The following NMNAT2 variants were observed in gnomAD, a reference collection of about 807,000 sequenced individuals.
NMNAT2 encodes nicotinamide/nicotinic acid mononucleotide adenylyltransferase 2.
NMNAT2 carries 11 observed loss-of-function variants against 41.6 expected under a neutral mutation model. That is an observed-to-expected ratio of 0.26 (90% CI 0.17 to 0.44). The LOEUF is 0.44. Ranked by LOEUF, NMNAT2 falls within the 20% of genes least tolerant of loss-of-function variation. The pLI, the probability that NMNAT2 is intolerant of heterozygous loss-of-function variation, is 1.00. For missense variants in NMNAT2, 288 were observed against 407.7 expected (o/e 0.71, Z 2.53); for synonymous variants, 148 against 151.2 (o/e 0.98, Z 0.16).
intron 1 of NMNAT2, among the ~76,000 whole-genome samples, chr1:183,329,274 T>C (rs1443828629): frequency 1.3e-5 from 2 of 152,130 alleles, no homozygotes; most frequent in African/African-American, 2.4e-5. Context: ...AAACACTAAA[T>C]TGAAGATAAA....
intron 6 of NMNAT2, 110 bp downstream of exon 6, chr1:183,284,600 C>G: frequency 1.1e-6 from 1 of 916,892 alleles, no homozygotes; most frequent in Non-Finnish European, 1.8e-6. Flanking sequence ...CACACACAAT[C>G]ACGGGAATTT....
chr1:183,307,954 C>A (rs968415834), intron 1 of NMNAT2, among the ~76,000 whole-genome samples: 1 of 152,218 alleles, frequency 6.6e-6, no homozygotes, highest in South Asian at 2.1e-4. Flanking sequence ...GGGCAGATTT[C>A]GACGGACTTT....
chr1:183,322,807 T>G (rs1003830481), intron 1 of NMNAT2, among the ~76,000 whole-genome samples: 10 of 152,234 alleles, frequency 6.6e-5, no homozygotes, highest in South Asian at 4.1e-4. Context: ...ACCATCTGTC[T>G]GCTGACATCT....
chr1:183,382,070 A>G (rs1663812878), intron 1 of NMNAT2, among the ~76,000 whole-genome samples: 1 of 152,258 alleles, frequency 6.6e-6, no homozygotes, highest in Non-Finnish European at 1.5e-5. Flanking sequence ...AAGCAGTTTT[A>G]TTGGCTCACA....
intron 8 of NMNAT2, among the ~76,000 whole-genome samples, chr1:183,268,335 T>C (rs1008289383): frequency 6.6e-6 from 1 of 152,180 alleles, no homozygotes; most frequent in African/African-American, 2.4e-5. Context: ...GCCAGGCACT[T>C]TCCTAGACAC....
intron 1 of NMNAT2, among the ~76,000 whole-genome samples, chr1:183,295,285 A>T (rs1661659778): frequency 1.3e-5 from 2 of 152,164 alleles, no homozygotes; most frequent in South Asian, 4.2e-4. Flanking sequence ...TACAGGCATG[A>T]GCCACGGCAC....
chr1:183,296,357 T>C (rs1279773208), intron 1 of NMNAT2, among the ~76,000 whole-genome samples: 1 of 152,230 alleles, frequency 6.6e-6, no homozygotes, highest in Non-Finnish European at 1.5e-5. Context: ...GGTAAGATTA[T>C]GTTTAGCTTT....
Position 183,290,179 on chromosome 1 carries a change from G to T in NMNAT2, c.270C>A (p.Asp90Glu), listed in dbSNP as rs1336389282. 6 of 1,587,090 alleles carry T rather than the reference G, an allele frequency of 3.8e-6. No individual in the cohort carries two copies. In the Admixed American group the frequency reaches 8.8e-5, roughly 23 times the overall value. ...IRVDPWECYQ[D>E]TWQTTCSVLE... is the part of the protein sequence containing the mutation. ...ACACGCTGCAGGTCGTCTGCCAGGT[G>T]TCCTGGTAGCACTCCCAAGGGTCCA... The change falls in exon 4 of 11, where the codon GAC becomes GAA. Residue 90 changes from aspartate (D) to glutamate (E), a missense_variant. Asp to Glu is a conservative substitution (Grantham distance 45, BLOSUM62 2). Around this residue, in one of 3 missense-constraint regions of NMNAT2, gnomAD observed 100 missense variants for 168.5 expected, o/e 0.59. Transcript: ENST00000287713.
intron 6 of NMNAT2, 79 bp from the exon 7 acceptor site, chr1:183,284,118 A>C: frequency 1.7e-6 from 2 of 1,167,042 alleles, no homozygotes; most frequent in Non-Finnish European, 2.5e-6. Flanking sequence ...TGAGGGCCTC[A>C]GCAGGAATTA....
At position 183,250,061 on chromosome 1, in the gene NMNAT2, G is replaced by A. The variant is rs1026314140; in HGVS notation, c.*2580C>T. ...TGGACCAAGAAACAAAAGAAATCGA[G>A]CCTTCCTCAGGTCTGCTCACGTGGG... On this transcript the variant is annotated 3_prime_UTR_variant, in exon 11 of 11. Transcript: ENST00000287713. 6.6e-6 allele frequency: 1 copy of A among 152,144 alleles called. No homozygotes were observed. The highest frequency in any genetic ancestry group is 2.4e-5 in the African/African-American group (1 of 41,386). The allele number at this position is 152,144 out of a possible 1,614,324, so 9.4% of individuals were successfully genotyped here.
intron 8 of NMNAT2, among the ~76,000 whole-genome samples, chr1:183,265,258 CTTTTTTTTTTTT>C (rs67117635): frequency 7.7e-5 from 5 of 64,526 alleles, no homozygotes; most frequent in South Asian, 1.6e-3. Flanking sequence ...TCTTCTTCTT[CTTTTTTTTTTTT>C]TTTTTTTTTT....
Position 183,252,602 on chromosome 1 carries a change from G to C in NMNAT2, c.*39C>G. 7.3e-7 allele frequency: 1 copy of C among 1,360,944 alleles called. No homozygotes were observed. The highest frequency in any genetic ancestry group is 1.1e-6 in the Non-Finnish European group (1 of 948,524). The allele number at this position is 1,360,944 out of a possible 1,614,324, so 84.3% of individuals were successfully genotyped here. ...AGGAGAGAAACAGGGGGCTGACAAAGATGGAGGGGCCATTGTGTTGCCGGA... is the reference window on the plus strand; with the variant it reads ...AGGAGAGAAACAGGGGGCTGACAAACATGGAGGGGCCATTGTGTTGCCGGA... On this transcript the variant is annotated 3_prime_UTR_variant, in exon 11 of 11. Transcript: ENST00000287713.
intron 1 of NMNAT2, among the ~76,000 whole-genome samples, chr1:183,352,607 C>T (rs1299278084): frequency 6.8e-6 from 1 of 146,776 alleles, no homozygotes; most frequent in Non-Finnish European, 1.5e-5. Context: ...AGTGAGAATT[C>T]TGGTCACTGA....
intron 1 of NMNAT2, among the ~76,000 whole-genome samples, chr1:183,340,862 C>A (rs1662783139): frequency 6.6e-6 from 1 of 152,232 alleles, no homozygotes; most frequent in Non-Finnish European, 1.5e-5. Context: ...CCCCACCTAA[C>A]AACCTGGATT....
At chr1:183,381,203 CCTGTT>C (rs1431587970) in intron 1 of NMNAT2, among the ~76,000 whole-genome samples, 9 of 152,130 alleles carry the variant, frequency 5.9e-5, no homozygotes, top group African/African-American at 1.9e-4. Flanking sequence ...CCCCATGACT[CCTGTT>C]CTGGACAGAA....
At chr1:183,296,194 G>A (rs561885783) in intron 1 of NMNAT2, among the ~76,000 whole-genome samples, 2 of 152,238 alleles carry the variant, frequency 1.3e-5, no homozygotes, top group East Asian at 3.9e-4. Context: ...CTATTGTCTG[G>A]AAGTACTTCA....
chr1:183,302,244 A>C (rs1661873437), intron 1 of NMNAT2, among the ~76,000 whole-genome samples: 1 of 152,200 alleles, frequency 6.6e-6, no homozygotes, highest in Non-Finnish European at 1.5e-5. Flanking sequence ...CACAATTCAC[A>C]TCTCCAAGGA....
intron 8 of NMNAT2, among the ~76,000 whole-genome samples, chr1:183,269,285 C>T (rs1337784471): frequency 2.0e-5 from 3 of 152,144 alleles, no homozygotes; most frequent in South Asian, 4.1e-4. Flanking sequence ...GGACACACTG[C>T]GGTTGGAAAA....
chr1:183,284,809 C>G lies in NMNAT2; in HGVS notation c.449-19G>C, dbSNP rs1265071421. On this transcript the variant is annotated intron_variant, in intron 5 of 10. Coordinates refer to ENST00000287713, the MANE Select transcript of NMNAT2 (RefSeq NM_015039.4). ...ATCTTGGCTATGGGAGAGAGCAAGACAGACAGGGACAGAGTGGGAGAGAAC... is the reference window on the plus strand; with the variant it reads ...ATCTTGGCTATGGGAGAGAGCAAGAGAGACAGGGACAGAGTGGGAGAGAAC... 2 of 1,604,914 alleles carry G rather than the reference C, an allele frequency of 1.2e-6. No homozygotes were observed. Among genetic ancestry groups the G allele is most frequent in the Non-Finnish European group, 1.7e-6 (2 of 1,171,576 alleles).
Sources: allele counts gnomAD v4.1 joint callset (sites outside exome capture counted in the v4.1 genomes callset), GRCh38; gene constraint gnomAD v4.1.1; regional missense constraint gnomAD v4.1.1; transcripts MANE v1.5; gene names NCBI Gene and HGNC (gene_info 2026-07-23, HGNC 2026-07-21).